Variants in COMMD1 observed in about 807,000 individuals in gnomAD.
COMMD1 encodes the protein copper metabolism domain containing 1.
Under a neutral mutation model 17.2 loss-of-function variants are expected in COMMD1, and 10 were observed. That is an observed-to-expected ratio of 0.58 (90% CI 0.36 to 0.99). The LOEUF (loss-of-function observed/expected upper bound fraction) is 0.99, where lower values mean the gene tolerates loss of function less well. Ranked by LOEUF, COMMD1 falls within the 50% of genes least tolerant of loss-of-function variation. The pLI is 0.01. For missense variants in COMMD1, 270 were observed against 231.8 expected (o/e 1.17, Z -1.07); for synonymous variants, 97 against 91.6 (o/e 1.06, Z -0.34).
intron 2 of COMMD1, among the ~76,000 whole-genome samples, chr2:62,016,198 TTTC>T (rs1370632803): frequency 6.7e-6 from 1 of 149,750 alleles, no homozygotes; most frequent in Non-Finnish European, 1.5e-5. Flanking sequence ...TCTTTTTTCT[TTTC>T]TTTTCTTTTT....
intron 2 of COMMD1, among the ~76,000 whole-genome samples, chr2:62,116,487 C>A (rs912126682): frequency 2.6e-5 from 4 of 152,054 alleles, no homozygotes; most frequent in Admixed American, 2.0e-4. Context: ...GCCTGGCCAA[C>A]ATGGCGAAAC....
At chr2:61,914,024 T>C (rs1669984254) in intron 1 of COMMD1, among the ~76,000 whole-genome samples, 1 of 151,548 alleles carries the variant, frequency 6.6e-6, no homozygotes, top group Non-Finnish European at 1.5e-5. Flanking sequence ...ACAAAAAAAT[T>C]AGCCACGTGT....
chr2:62,122,444 C>CTTTTT (rs372131423), intron 2 of COMMD1, among the ~76,000 whole-genome samples: 10 of 126,886 alleles, frequency 7.9e-5, no homozygotes, highest in African/African-American at 1.1e-4. Context: ...TCTTTCTTTT[C>CTTTTT]TTTTTTTTTT....
upstream of COMMD1, among the ~76,000 whole-genome samples, chr2:61,903,460 A>G (rs930223332): frequency 2.0e-5 from 3 of 151,988 alleles, no homozygotes; most frequent in Non-Finnish European, 2.9e-5. Context: ...AAAAAAAAGA[A>G]TACCTCTTTA....
intron 2 of COMMD1, among the ~76,000 whole-genome samples, chr2:62,121,371 C>CAAAAAAAAAAAAAAAAAAA (rs55789110): frequency 2.1e-5 from 1 of 47,204 alleles, no homozygotes; most frequent in African/African-American, 9.3e-5. Flanking sequence ...GACTCTTTCT[C>CAAAAAAAAAAAAAAAAAAA]AAAAAAAAAA....
intron 1 of COMMD1, among the ~76,000 whole-genome samples, chr2:61,956,563 C>A (rs966659246): frequency 6.6e-6 from 1 of 151,846 alleles, no homozygotes; most frequent in African/African-American, 2.4e-5. Context: ...GTGCGCACCA[C>A]CACGCCTGGC....
At chr2:62,062,149 A>AT (rs2103941599) in intron 2 of COMMD1, among the ~76,000 whole-genome samples, 1 of 151,782 alleles carries the variant, frequency 6.6e-6, no homozygotes, top group South Asian at 2.1e-4. Flanking sequence ...TCTAACCTTG[A>AT]TTTTCTCATC....
At chr2:61,938,086 G>A in intron 1 of COMMD1, among the ~76,000 whole-genome samples, 1 of 152,184 alleles carries the variant, frequency 6.6e-6, no homozygotes, top group Admixed American at 6.5e-5. Flanking sequence ...GGGCAGGAGA[G>A]AGGGCTCTCC....
intron 2 of COMMD1, among the ~76,000 whole-genome samples, chr2:62,095,837 A>G (rs1220950288): frequency 1.6e-4 from 10 of 61,816 alleles, no homozygotes; most frequent in Non-Finnish European, 3.0e-4. Context: ...TCAGGGTTAT[A>G]TATACACACA....
intron 1 of COMMD1, among the ~76,000 whole-genome samples, chr2:61,908,075 C>T (rs1032296244): frequency 6.6e-6 from 1 of 152,084 alleles, no homozygotes; most frequent in African/African-American, 2.4e-5. Context: ...TGGCATGGCT[C>T]TCTTGGTGTT....
intron 1 of COMMD1, among the ~76,000 whole-genome samples, chr2:61,991,776 T>C (rs1270910842): frequency 6.6e-6 from 1 of 152,206 alleles, no homozygotes; most frequent in Non-Finnish European, 1.5e-5. Flanking sequence ...TTAGTGCTGT[T>C]TGAGTGTCAA....
At chr2:62,042,017 G>GC (rs1392288360) in intron 2 of COMMD1, among the ~76,000 whole-genome samples, 1 of 152,136 alleles carries the variant, frequency 6.6e-6, no homozygotes, top group Non-Finnish European at 1.5e-5. Flanking sequence ...CCCTTATCTG[G>GC]CCCCACCCAC....
intron 2 of COMMD1, among the ~76,000 whole-genome samples, chr2:62,057,237 C>T (rs752318431): frequency 6.6e-6 from 1 of 152,086 alleles, no homozygotes; most frequent in Non-Finnish European, 1.5e-5. Flanking sequence ...TTGAATCATC[C>T]TGAAACCAGT....
rs370679543 is a variant in COMMD1, at chr2:62,050,737, A to C, written c.462+49755A>C. 6.1e-4 allele frequency among the ~76,000 whole-genome samples: 93 copies of C among 152,346 alleles called. 1 individual carries two copies. The South Asian group carries it at 0.019, about 31-fold the overall frequency. ...ATATTTCTCATCACTGGGAAAACTA[A>C]AATGAGAAAAGTCTGTCCCTTTAAA... On this transcript the variant is annotated intron_variant, in intron 2 of 2. Coordinates refer to ENST00000311832, the MANE Select transcript of COMMD1 (RefSeq NM_152516.4).
At chr2:62,043,226 C>T (rs767587115) in intron 2 of COMMD1, among the ~76,000 whole-genome samples, 3 of 152,212 alleles carry the variant, frequency 2.0e-5, no homozygotes, top group Non-Finnish European at 4.4e-5. Context: ...ACAGCAGTTA[C>T]TATTCACTGA....
At chr2:62,016,204 T>C (rs1359316671) in intron 2 of COMMD1, among the ~76,000 whole-genome samples, 1 of 149,210 alleles carries the variant, frequency 6.7e-6, no homozygotes, top group Non-Finnish European at 1.5e-5. Context: ...TTCTTTTCTT[T>C]TCTTTTTTTT....
At chr2:61,994,624 T>C (rs1452940910) in intron 1 of COMMD1, among the ~76,000 whole-genome samples, 1 of 152,112 alleles carries the variant, frequency 6.6e-6, no homozygotes, top group Non-Finnish European at 1.5e-5. Flanking sequence ...TTTTGGGTTG[T>C]CTGTAGGAAG....
intron 2 of COMMD1, among the ~76,000 whole-genome samples, chr2:62,040,125 T>C (rs565232939): frequency 2.0e-5 from 3 of 152,168 alleles, no homozygotes; most frequent in Non-Finnish European, 4.4e-5. Context: ...TGGTGGCATG[T>C]ACCTGTAGTC....
At chr2:61,889,268 G>A (rs1434667931) in intron 1 of COMMD1, among the ~76,000 whole-genome samples, 1 of 145,340 alleles carries the variant, frequency 6.9e-6, no homozygotes, top group East Asian at 2.0e-4. Context: ...GTGCAGTGGG[G>A]CGATCTTGGC....
Sources: allele counts gnomAD v4.1 joint callset (sites outside exome capture counted in the v4.1 genomes callset), GRCh38; gene constraint gnomAD v4.1.1; transcripts MANE v1.5; gene names NCBI Gene and HGNC (gene_info 2026-07-23, HGNC 2026-07-21).